Variants in TAFA1 observed in about 807,000 individuals in gnomAD.
The protein encoded by TAFA1 is chemokine-like protein TAFA-1.
A neutral mutation model predicts 18.5 loss-of-function variants in TAFA1; 4 were observed. The observed-to-expected ratio is 0.22, with a 90% CI of 0.11 to 0.49. The LOEUF is 0.49. Among genes scored for constraint, TAFA1 ranks in the 20% least tolerant of loss-of-function variants. The probability of loss-of-function intolerance (pLI) is 0.98; values close to 1 mark genes in which losing one functional copy is unlikely to be tolerated. For missense variants in TAFA1, 147 were observed against 169.0 expected (o/e 0.87, Z 0.72); for synonymous variants, 56 against 55.2 (o/e 1.01, Z -0.06).
At chr3:68,485,183 A>G (rs2072314122) in intron 3 of TAFA1, among the ~76,000 whole-genome samples, 1 of 152,198 alleles carries the variant, frequency 6.6e-6, no homozygotes, top group African/African-American at 2.4e-5. Context: ...GCTACAGGCT[A>G]CAAAATCTCT....
At chr3:68,136,159 G>A (rs891750401) in intron 2 of TAFA1, among the ~76,000 whole-genome samples, 2 of 152,048 alleles carry the variant, frequency 1.3e-5, no homozygotes, top group African/African-American at 4.8e-5. Flanking sequence ...CAAGAATGAG[G>A]GCAAACTAAG....
chr3:68,029,549 A>G (rs1302765379), intron 2 of TAFA1, among the ~76,000 whole-genome samples: 2 of 152,192 alleles, frequency 1.3e-5, no homozygotes, highest in African/African-American at 4.8e-5. Context: ...TTAAAAATTC[A>G]TTTATTTAGT....
At chr3:68,173,506 C>T (rs6794104) in intron 2 of TAFA1, among the ~76,000 whole-genome samples, 100,233 of 151,922 alleles carry the variant, frequency 0.66, 33,880 homozygotes, top group South Asian at 0.78. Context: ...CACACATACA[C>T]GAATTGGAAT....
At chr3:68,191,087 A>G (rs2066334274) in intron 2 of TAFA1, among the ~76,000 whole-genome samples, 1 of 151,748 alleles carries the variant, frequency 6.6e-6, no homozygotes, top group South Asian at 2.1e-4. Context: ...CCTACATGAA[A>G]TCCCCATGTG....
At chr3:68,443,296 A>C (rs1392346649) in intron 3 of TAFA1, among the ~76,000 whole-genome samples, 2 of 151,972 alleles carry the variant, frequency 1.3e-5, no homozygotes, top group African/African-American at 4.8e-5. Flanking sequence ...CTATTCTTAT[A>C]TCTGGCCACC....
At chr3:68,493,660 T>C (rs2072493890) in intron 3 of TAFA1, among the ~76,000 whole-genome samples, 1 of 152,228 alleles carries the variant, frequency 6.6e-6, no homozygotes, top group African/African-American at 2.4e-5. Flanking sequence ...TTATTTTTTA[T>C]AGTAGCCATC....
At chr3:68,538,120 G>C (rs968568755) in intron 3 of TAFA1, among the ~76,000 whole-genome samples, 1 of 152,154 alleles carries the variant, frequency 6.6e-6, no homozygotes, top group Non-Finnish European at 1.5e-5. Flanking sequence ...GGTCCTGAGT[G>C]TGTGGGTCTC....
chr3:68,421,254 G>C (rs1389942857), intron 3 of TAFA1, among the ~76,000 whole-genome samples: 4 of 152,106 alleles, frequency 2.6e-5, no homozygotes, highest in African/African-American at 9.7e-5. Context: ...CAAACAAAAG[G>C]GCTATCCTTT....
At chr3:68,034,069 G>A (rs1704994333) in intron 2 of TAFA1, among the ~76,000 whole-genome samples, 1 of 152,132 alleles carries the variant, frequency 6.6e-6, no homozygotes, top group South Asian at 2.1e-4. Context: ...AGAGACAGTG[G>A]TGTCTTCTGC....
chr3:68,185,579 AC>A (rs2066259416), intron 2 of TAFA1, among the ~76,000 whole-genome samples: 1 of 152,110 alleles, frequency 6.6e-6, no homozygotes, highest in African/African-American at 2.4e-5. Context: ...TGTAAATGCA[AC>A]CACAGTATCA....
intron 2 of TAFA1, among the ~76,000 whole-genome samples, chr3:68,396,381 T>C (rs2070384017): frequency 6.6e-6 from 1 of 152,186 alleles, no homozygotes; most frequent in African/African-American, 2.4e-5. Context: ...CCCTTCTCTG[T>C]CTCTACTACC....
At chr3:68,467,729 C>G (rs1407413532) in intron 3 of TAFA1, among the ~76,000 whole-genome samples, 1 of 152,030 alleles carries the variant, frequency 6.6e-6, no homozygotes, top group Non-Finnish European at 1.5e-5. Flanking sequence ...CTAGGAGATG[C>G]TAGAGGATGG....
intron 2 of TAFA1, among the ~76,000 whole-genome samples, chr3:68,339,843 A>G (rs1393903366): frequency 6.6e-6 from 1 of 152,140 alleles, no homozygotes; most frequent in Non-Finnish European, 1.5e-5. Context: ...TATGATTTGT[A>G]CTGTTCACCG....
intron 2 of TAFA1, among the ~76,000 whole-genome samples, chr3:68,374,664 T>C (rs77232452): frequency 0.017 from 2,531 of 152,296 alleles, 68 homozygotes; most frequent in South Asian, 0.09. Flanking sequence ...CATGTATTTC[T>C]AAAAACCGCA....
At chr3:68,257,473 A>T (rs1458217045) in intron 2 of TAFA1, among the ~76,000 whole-genome samples, 1 of 151,450 alleles carries the variant, frequency 6.6e-6, no homozygotes, top group Non-Finnish European at 1.5e-5. Context: ...TCTGCCTCAG[A>T]CAAGATGTGG....
chr3:68,296,007 G>C (rs573789075), intron 2 of TAFA1, among the ~76,000 whole-genome samples: 1 of 152,232 alleles, frequency 6.6e-6, no homozygotes, highest in South Asian at 2.1e-4. Context: ...ATAAGATAAA[G>C]AGCTTTGATT....
At chr3:68,517,712 G>A (rs1225433942) in intron 3 of TAFA1, among the ~76,000 whole-genome samples, 1 of 152,178 alleles carries the variant, frequency 6.6e-6, no homozygotes, top group African/African-American at 2.4e-5. Flanking sequence ...CCCAGGAGGA[G>A]ACAGTCATCT....
At chr3:68,537,640 T>C (rs139740924) in intron 3 of TAFA1, among the ~76,000 whole-genome samples, 4 of 152,318 alleles carry the variant, frequency 2.6e-5, no homozygotes, top group Non-Finnish European at 4.4e-5. Flanking sequence ...ATTTTCTTTA[T>C]AGATACAAAT....
At chr3:68,365,884 G>A (rs776108465) in intron 2 of TAFA1, among the ~76,000 whole-genome samples, 13 of 151,962 alleles carry the variant, frequency 8.6e-5, no homozygotes, top group Admixed American at 2.0e-4. Context: ...TCAGGAGTTC[G>A]AGACCAACCA....
Sources: gnomAD v4.1 joint callset for allele counts (sites outside exome capture counted in the v4.1 genomes callset) on GRCh38, gnomAD v4.1.1 for gene constraint, MANE v1.5 for transcripts, NCBI Gene and HGNC (gene_info 2026-07-23, HGNC 2026-07-21) for gene names.